The following ZNF710 variants were observed in gnomAD, a reference collection of about 807,000 sequenced individuals.
ZNF710 encodes the protein zinc finger protein 710.
A neutral mutation model predicts 50.6 loss-of-function variants in ZNF710; 13 were observed. That is an observed-to-expected ratio of 0.26 (90% CI 0.17 to 0.41). The LOEUF is 0.41. Ranked by LOEUF, ZNF710 falls within the 10% of genes least tolerant of loss-of-function variation. The pLI is 1.00. For missense variants in ZNF710, 721 were observed against 936.6 expected, an observed-to-expected ratio of 0.77 and a Z score of 3.01; for synonymous variants, 383 against 397.0, an observed-to-expected ratio of 0.96 and a Z score of 0.42.
At chr15:90,027,572 T>C (rs1898816898) in intron 1 of ZNF710, among the ~76,000 whole-genome samples, 1 of 152,092 alleles carries the variant, frequency 6.6e-6, no homozygotes, top group South Asian at 2.1e-4. Flanking sequence ...AAGATTTAAA[T>C]TTGAAGGCCT....
At chr15:90,015,831 G>GC (rs1489909791) in intron 1 of ZNF710, among the ~76,000 whole-genome samples, 1 of 152,016 alleles carries the variant, frequency 6.6e-6, no homozygotes, top group African/African-American at 2.4e-5. Context: ...GGCTGGTCTC[G>GC]AACTCCTGGA....
intron 1 of ZNF710, among the ~76,000 whole-genome samples, chr15:90,023,272 A>G (rs11852297): frequency 0.54 from 82,684 of 152,072 alleles, 23,254 homozygotes; most frequent in Non-Finnish European, 0.58. Flanking sequence ...CTACAGAGGT[A>G]GGTGAGCCAC....
At chr15:90,011,422 G>A (rs967838914) in intron 1 of ZNF710, among the ~76,000 whole-genome samples, 2 of 152,224 alleles carry the variant, frequency 1.3e-5, no homozygotes, top group South Asian at 4.1e-4. Context: ...AAGGCAGACT[G>A]TGTAATGTTC....
At chr15:90,032,620 A>G (rs1261687747) in intron 1 of ZNF710, among the ~76,000 whole-genome samples, 3 of 151,988 alleles carry the variant, frequency 2.0e-5, no homozygotes, top group Non-Finnish European at 2.9e-5. Context: ...TCCACTAAAA[A>G]TACAAAAATT....
chr15:89,999,816 G>A (rs948560389), upstream of ZNF710, among the ~76,000 whole-genome samples: 3 of 152,028 alleles, frequency 2.0e-5, no homozygotes, highest in Admixed American at 6.6e-5. Flanking sequence ...TCCTCCCTGG[G>A]AGAAGGGACC....
At chr15:90,058,470 CACTT>C (rs987497528) in intron 1 of ZNF710, among the ~76,000 whole-genome samples, 9 of 151,970 alleles carry the variant, frequency 5.9e-5, no homozygotes, top group African/African-American at 2.2e-4. Context: ...CTCTCCATCT[CACTT>C]ACCGCATTCA....
chr15:90,005,671 A>G (rs968719177), intron 1 of ZNF710, among the ~76,000 whole-genome samples: 2 of 152,124 alleles, frequency 1.3e-5, no homozygotes, highest in Non-Finnish European at 2.9e-5. Flanking sequence ...GATGGTCTCG[A>G]TCTCTTCACC....
chr15:90,030,430 C>T lies in ZNF710; in HGVS notation c.-29+28816C>T, dbSNP rs35791217. The stretch of plus-strand genomic sequence containing the variant: ...AGGAAGGAGGGATGGGTTTCAAGGC[C>T]GGTCTTGGTTTTGCCAAGAACTTGA... On this transcript the variant is annotated intron_variant, in intron 1 of 4. Transcript: ENST00000268154. Among the ~76,000 whole-genome samples the T allele has an allele frequency of 2.6e-3, 400 of 151,438 alleles. 11 individuals are homozygous for T. In the East Asian group the frequency reaches 0.06, roughly 23 times the overall value.
chr15:90,036,325 T>C (rs960392463), intron 1 of ZNF710, among the ~76,000 whole-genome samples: 1 of 149,780 alleles, frequency 6.7e-6, no homozygotes, highest in Non-Finnish European at 1.5e-5. Flanking sequence ...GTATAACATT[T>C]CTCTTCCATT....
chr15:90,065,751 T>A (rs1900150407), intron 1 of ZNF710, among the ~76,000 whole-genome samples: 1 of 152,098 alleles, frequency 6.6e-6, no homozygotes. Context: ...ATTTAGAAGA[T>A]CATGTTAGAG....
At chr15:90,069,962 C>T (rs1282121985) in intron 2 of ZNF710, among the ~76,000 whole-genome samples, 2 of 152,094 alleles carry the variant, frequency 1.3e-5, no homozygotes, top group African/African-American at 4.8e-5. Context: ...CCATGGTTTC[C>T]ACCGAAATCC....
At chr15:90,045,429 G>C in intron 1 of ZNF710, 1 of 984,046 alleles carries the variant, frequency 1.0e-6, no homozygotes, top group Non-Finnish European at 1.2e-6. Flanking sequence ...ACCTGGGTAA[G>C]GGTGCAGCTC....
intron 1 of ZNF710, among the ~76,000 whole-genome samples, chr15:90,021,247 G>A (rs1018365159): frequency 1.3e-4 from 20 of 152,316 alleles, no homozygotes; most frequent in African/African-American, 3.4e-4. Flanking sequence ...AAAGAGCCCC[G>A]CTGAAGCGGC....
intron 1 of ZNF710, among the ~76,000 whole-genome samples, chr15:90,058,701 T>TTA (rs34907426): frequency 0.02 from 2,860 of 143,540 alleles, 88 homozygotes; most frequent in African/African-American, 0.05. Context: ...CACTATATAT[T>TTA]TATATATATA....
At position 90,012,290 on chromosome 15, in the gene ZNF710, ATT is replaced by A. The variant is rs1026567607; in HGVS notation, c.-29+10700_-29+10701del. Among the ~76,000 whole-genome samples the A allele has an allele frequency of 3.4e-3, 320 of 94,524 alleles. 1 individual carries two copies. The highest frequency in any genetic ancestry group is 0.014 in the African/African-American group (294 of 21,766). The allele number at this position is 94,524 out of a possible 152,430, so 62.0% of individuals were successfully genotyped here. On this transcript the variant is annotated intron_variant, in intron 1 of 4. Transcript: ENST00000268154. ...TTCTCTGTGGTTGTTTTGAGTGTGC[ATT>A]TTTTTTTTTTTTTTTTTTTTTTTGT... is the stretch of plus-strand genomic sequence containing the variant.
At chr15:90,054,210 G>A (rs968271385) in intron 1 of ZNF710, among the ~76,000 whole-genome samples, 4 of 152,128 alleles carry the variant, frequency 2.6e-5, no homozygotes, top group African/African-American at 9.7e-5. Flanking sequence ...GGAAGAAAGA[G>A]ATGAGATGGG....
chr15:89,998,972 C>G (rs1031116707), upstream of ZNF710, among the ~76,000 whole-genome samples: 5 of 152,194 alleles, frequency 3.3e-5, no homozygotes, highest in African/African-American at 1.2e-4. Flanking sequence ...CCCTGACACC[C>G]TCCCCTTTTT....
At chr15:90,047,371 C>A (rs1429979354) in intron 1 of ZNF710, among the ~76,000 whole-genome samples, 1 of 152,160 alleles carries the variant, frequency 6.6e-6, no homozygotes, top group Non-Finnish European at 1.5e-5. Flanking sequence ...TGGTACCACC[C>A]CACTTTAGTA....
chr15:90,064,847 G>A (rs1352539227), intron 1 of ZNF710, among the ~76,000 whole-genome samples: 3 of 152,170 alleles, frequency 2.0e-5, no homozygotes, highest in Admixed American at 6.5e-5. Flanking sequence ...CTTCACCTGT[G>A]TTAGGACCGT....
Sources: gnomAD v4.1 joint callset for allele counts (sites outside exome capture counted in the v4.1 genomes callset) on GRCh38, gnomAD v4.1.1 for gene constraint, MANE v1.5 for transcripts, NCBI Gene and HGNC (gene_info 2026-07-23, HGNC 2026-07-21) for gene names.